The following ZNF48 variants were observed in gnomAD, a reference collection of about 807,000 sequenced individuals.
The protein encoded by ZNF48 is zinc finger protein 553.
In ZNF48, 20 loss-of-function variants were observed where a neutral mutation model predicts 40.0. That is an observed-to-expected ratio of 0.50 (90% CI 0.35 to 0.73). The LOEUF is 0.73. ZNF48 is among the 30% of genes least tolerant of loss of function. The probability of loss-of-function intolerance (pLI) is 0.01; values close to 1 mark genes in which losing one functional copy is unlikely to be tolerated. For synonymous variants in ZNF48, 298 were observed against 329.7 expected (o/e 0.90, Z 1.04); for missense variants, 726 against 851.9 (o/e 0.85, Z 1.84).
rs2049981303 is a variant in ZNF48, at chr16:30,395,955, C to G, written c.79+82C>G. On this transcript the variant is annotated intron_variant, in intron 2 of 2. Coordinates refer to ENST00000613509, the MANE Select transcript of ZNF48 (RefSeq NM_001214909.2). The surrounding 1 kb of genome is among the most constrained non-coding windows in gnomAD (Gnocchi z 5.9). Reference sequence around the variant, plus strand: ...TGCTTGGCTGTGGCCGGCCGAGATCCTGGAAGATCGGACGTGAGCTGTGCC... The same window carrying G: ...TGCTTGGCTGTGGCCGGCCGAGATCGTGGAAGATCGGACGTGAGCTGTGCC... 1 of 1,356,672 alleles carries G rather than the reference C, an allele frequency of 7.4e-7. No individual in the cohort carries two copies. Among genetic ancestry groups the G allele is most frequent in the African/African-American group, 1.5e-5 (1 of 67,568 alleles). The allele number at this position is 1,356,672 out of a possible 1,614,324, so 84.0% of individuals were successfully genotyped here.
At position 30,397,583 on chromosome 16, in the gene ZNF48, C is replaced by T. The variant is rs368119314; in HGVS notation, c.333C>T (p.Ala111=). ...GGGGCCAGGCTAGTAGTGATCGGGC[C>T]GCTGTGTGTGGTGAGTGTGGCAAAA... ...PRWGQASSDR[A]AVCGECGKSF... is the part of the protein sequence containing the mutation. Residue 111 remains alanine (A), a synonymous_variant, in exon 3 of 3, where the codon GCC becomes GCT. Transcript: ENST00000613509. The surrounding 1 kb of genome is among the most constrained non-coding windows in gnomAD (Gnocchi z 4.1). 87 of 1,613,972 alleles carry T rather than the reference C, an allele frequency of 5.4e-5. No individual in the cohort carries two copies. Among genetic ancestry groups the T allele is most frequent in the Non-Finnish European group, 7.0e-5 (83 of 1,180,026 alleles).
rs758926509 is a variant in ZNF48, at chr16:30,398,745, C to T, written c.1495C>T (p.Arg499Cys). The change falls in exon 3 of 3, where the codon CGC (arginine) becomes TGC (cysteine). Residue 499 changes from arginine (R) to cysteine (C), a missense_variant. Around this residue, in one of 5 missense-constraint regions of ZNF48, gnomAD observed 25 missense variants for 51.5 expected, o/e 0.49. Coordinates refer to ENST00000613509, the MANE Select transcript of ZNF48 (RefSeq NM_001214909.2). This position sits in a 1 kb window ranked among gnomAD's most constrained non-coding sequence, Gnocchi z 6.6. ...CAGCTCAGCCCGAGTCAAGCACCTC[C>T]GCACCCACCGTGGTGAACGGGCCCG... Reference protein sequence around the residue: ...ADSSARVKHLRTHRGERARPP... With the variant: ...ADSSARVKHLCTHRGERARPP... 8 of 1,613,884 alleles carry T rather than the reference C, an allele frequency of 5.0e-6. No individual in the cohort carries two copies. Among genetic ancestry groups the T allele is most frequent in the South Asian group, 2.2e-5 (2 of 91,078 alleles).
Position 30,395,916 on chromosome 16 carries a change from G to T in ZNF48, c.79+43G>T. The stretch of plus-strand genomic sequence containing the variant: ...GCGCCGCCACGGACAGGTAACGGCC[G>T]GTGGGGACTGCGATGCTTGGCTGTG... On this transcript the variant is annotated intron_variant, in intron 2 of 2. Coordinates refer to ENST00000613509, the MANE Select transcript of ZNF48 (RefSeq NM_001214909.2). This position sits in a 1 kb window ranked among gnomAD's most constrained non-coding sequence, Gnocchi z 5.9. 4 of 1,470,426 alleles carry T rather than the reference G, an allele frequency of 2.7e-6. No homozygotes were observed. The highest frequency in any genetic ancestry group is 3.6e-6 in the Non-Finnish European group (4 of 1,104,464). 91.1% of individuals were successfully genotyped at this position (1,470,426 alleles called of 1,614,324 possible).
rs1250613414 is a variant in ZNF48, at chr16:30,395,840, G to A, written c.46G>A (p.Glu16Lys). 8 of 1,548,936 alleles carry A rather than the reference G, an allele frequency of 5.2e-6. No individual in the cohort carries two copies. The highest frequency in any genetic ancestry group is 6.9e-6 in the Non-Finnish European group (8 of 1,152,180). The stretch of plus-strand genomic sequence containing the variant: ...TTGGGGCCCAGATCTCCACCGCCCG[G>A]AGGAGAGGGAGCCACAGAGAGGCGC... ...EPWGPDLHRP[E>K]EREPQRGART... The change falls in exon 2 of 3, where the codon GAG (glutamate) becomes AAG (lysine). Residue 16 changes from glutamate (E) to lysine (K), a missense_variant. This residue lies in a region of ZNF48 where 151 missense variants were observed against 162.3 expected (regional missense o/e 0.93). Transcript: ENST00000613509. The surrounding 1 kb of genome is among the most constrained non-coding windows in gnomAD (Gnocchi z 5.9).
In ZNF48 at chr16:30,395,991, TA is replaced by T. The variant is rs918071908; in HGVS notation, c.79+119del. 7.8e-5 allele frequency: 87 copies of T among 1,116,208 alleles called. No homozygotes were observed. The highest frequency in any genetic ancestry group is 2.3e-4 in the African/African-American group (14 of 61,804). The allele number at this position is 1,116,208 out of a possible 1,614,324, so 69.1% of individuals were successfully genotyped here. On this transcript the variant is annotated intron_variant, in intron 2 of 2. Transcript: ENST00000613509. This position sits in a 1 kb window ranked among gnomAD's most constrained non-coding sequence, Gnocchi z 5.9. The stretch of plus-strand genomic sequence containing the variant: ...GACGTGAGCTGTGCCTCTGGGGAGA[TA>T]GGGGGAGGGGAGCTTTCGGAGCACC...
At chr16:30,378,475 G>C in intron 1 of ZNF48, 1 of 1,577,112 alleles carries the variant, frequency 6.3e-7, no homozygotes, top group Non-Finnish European at 8.6e-7. Flanking sequence ...TGGCTCTGCT[G>C]CATTTGGGCC....
chr16:30,386,582 A>G (rs544406836), intron 1 of ZNF48, among the ~76,000 whole-genome samples: 7 of 152,286 alleles, frequency 4.6e-5, no homozygotes, highest in Admixed American at 1.3e-4. Context: ...CTGAGGTGGG[A>G]GGATCGTCCA....
At chr16:30,385,504 A>G (rs1250898405) in intron 1 of ZNF48, among the ~76,000 whole-genome samples, 1 of 152,074 alleles carries the variant, frequency 6.6e-6, no homozygotes, top group African/African-American at 2.4e-5. Flanking sequence ...GCGTGCCTGT[A>G]ATCCCAGCTA....
Position 30,395,697 on chromosome 16 carries a change from C to A in ZNF48, c.-15-83C>A. 1 of 1,166,504 alleles carries A rather than the reference C, an allele frequency of 8.6e-7. No individual in the cohort carries two copies. 72.3% of individuals were successfully genotyped at this position (1,166,504 alleles called of 1,614,324 possible). On this transcript the variant is annotated intron_variant, in intron 1 of 2. Transcript: ENST00000613509. This position sits in a 1 kb window ranked among gnomAD's most constrained non-coding sequence, Gnocchi z 5.9. ...GACCCGACGCCGCCCGGTGCCCGCG[C>A]TGGCCGGCAGAGGGCAGCGGCAGGG...
intron 1 of ZNF48, among the ~76,000 whole-genome samples, chr16:30,386,232 T>C (rs1320066091): frequency 6.6e-6 from 1 of 152,070 alleles, no homozygotes; most frequent in Non-Finnish European, 1.5e-5. Context: ...TGAGTCATTG[T>C]GGTGTCACTA....
At position 30,398,842 on chromosome 16, in the gene ZNF48, G is replaced by C. The variant is rs374516762; in HGVS notation, c.1592G>C (p.Arg531Pro). The C allele has an allele frequency of 2.5e-6, 4 of 1,613,816 alleles. No homozygotes were observed. Among genetic ancestry groups the C allele is most frequent in the Non-Finnish European group, 3.4e-6 (4 of 1,179,984 alleles). ...CCAGTACCCATGGCCCCTCGACCCC[G>C]AGTTCGGGCCCAGCCTTCTGGACCC... Reference protein sequence around the residue: ...PGPVPMAPRPRVRAQPSGPSQ... With the variant: ...PGPVPMAPRPPVRAQPSGPSQ... Residue 531 changes from arginine (R) to proline (P), a missense_variant, in exon 3 of 3, where the codon CGA (arginine) becomes CCA (proline). Coordinates refer to ENST00000613509, the MANE Select transcript of ZNF48 (RefSeq NM_001214909.2). The surrounding 1 kb of genome is among the most constrained non-coding windows in gnomAD (Gnocchi z 6.6).
At chr16:30,393,446 G>A (rs754665916), upstream of ZNF48, among the ~76,000 whole-genome samples, 2 of 151,032 alleles carry the variant, frequency 1.3e-5, no homozygotes, top group Admixed American at 6.6e-5. Context: ...ATGCAGTGGC[G>A]TGATCTCGGC....
chr16:30,379,235 C>T (rs1200477231), intron 1 of ZNF48: 1 of 1,604,636 alleles, frequency 6.2e-7, no homozygotes, highest in South Asian at 1.1e-5. Context: ...TCGGGTCCAA[C>T]CCACCCGTAA....
In ZNF48 at chr16:30,398,943, C is replaced by G; in HGVS notation, c.1693C>G (p.His565Asp). Reference sequence around the variant, plus strand: ...AGATCTGGTCAAACACAGGCGTACACACACGGGGGAGAAGCCATACAAGTG... The same window carrying G: ...AGATCTGGTCAAACACAGGCGTACAGACACGGGGGAGAAGCCATACAAGTG... Reference protein sequence around the residue: ...SSDLVKHRRTHTGEKPYKCAE... With the variant: ...SSDLVKHRRTDTGEKPYKCAE... Residue 565 changes from histidine (H) to aspartate (D), a missense_variant, in exon 3 of 3, where the codon CAC becomes GAC. Coordinates refer to ENST00000613509, the MANE Select transcript of ZNF48 (RefSeq NM_001214909.2). The surrounding 1 kb of genome is among the most constrained non-coding windows in gnomAD (Gnocchi z 6.6). The G allele has an allele frequency of 6.2e-7, 1 of 1,614,028 alleles. No individual in the cohort carries two copies.
chr16:30,394,031 T>TC (rs1201194910), upstream of ZNF48, among the ~76,000 whole-genome samples: 37 of 140,338 alleles, frequency 2.6e-4, no homozygotes, highest in Admixed American at 6.4e-4. Context: ...TCTCTCTCTC[T>TC]TTTTTTTTTT....
chr16:30,389,355 C>G (rs1016237927), intron 1 of ZNF48, among the ~76,000 whole-genome samples: 1 of 150,276 alleles, frequency 6.7e-6, no homozygotes, highest in Non-Finnish European at 1.5e-5. Context: ...TGTGCTACTG[C>G]ACTCCAGCCT....
At position 30,389,069 on chromosome 16, in the gene ZNF48, G is replaced by A. The variant is rs568094594; in HGVS notation, c.-15-6711G>A. Among the ~76,000 whole-genome samples the A allele has an allele frequency of 2.0e-5, 3 of 152,052 alleles. No individual in the cohort carries two copies. In the East Asian group the frequency reaches 5.8e-4, roughly 30 times the overall value. ...AGATCAGGAGTTCGAGACTAGCCTG[G>A]CCAACAAAGTGAAACTCTGTCTCTA... is the stretch of plus-strand genomic sequence containing the variant. On this transcript the variant is annotated intron_variant, in intron 1 of 2. Coordinates refer to the ZNF48 transcript ENST00000528032.
chr16:30,392,180 G>T (rs545986962), upstream of ZNF48, among the ~76,000 whole-genome samples: 743 of 152,154 alleles, frequency 4.9e-3, 4 homozygotes, highest in Non-Finnish European at 9.1e-3. Flanking sequence ...CTGCCACCAC[G>T]CCCATCTAAT....
chr16:30,399,071 G>A lies in ZNF48; in HGVS notation c.1821G>A (p.Arg607=). Residue 607 remains arginine, a synonymous_variant, in exon 3 of 3, where the codon AGG becomes AGA. Transcript: ENST00000613509. ...TTGGGATAGGGGATGGTAGGGCAAG[G>A]CCCCTCAAGCAGGAGGCAGCAACAG... ...TPFGIGDGRA[R]PLKQEAATGL... 6.2e-7 allele frequency: 1 copy of A among 1,603,272 alleles called. No homozygotes were observed. The highest frequency in any genetic ancestry group is 8.5e-7 in the Non-Finnish European group (1 of 1,173,938).
Sources: allele counts gnomAD v4.1 joint callset (sites outside exome capture counted in the v4.1 genomes callset), GRCh38; gene constraint gnomAD v4.1.1; regional missense constraint gnomAD v4.1.1; non-coding constraint Gnocchi (gnomAD v3.1); transcripts MANE v1.5; gene names NCBI Gene and HGNC (gene_info 2026-07-23, HGNC 2026-07-21).